CRACD: variants seen among roughly 807,000 people sequenced by gnomAD.
CRACD encodes the protein capping protein-inhibiting regulator of actin dynamics.
CRACD carries 56 observed loss-of-function variants against 106.8 expected under a neutral mutation model. The ratio of observed to expected loss-of-function variants is 0.52; its 90% CI spans 0.42 to 0.66. The LOEUF is 0.66. Ranked by LOEUF, CRACD falls within the 30% of genes least tolerant of loss-of-function variation. The pLI, the probability that CRACD is intolerant of heterozygous loss-of-function variation, is 0.00. For synonymous variants in CRACD, 754 were observed against 670.8 expected, an observed-to-expected ratio of 1.12 and a Z score of -1.92; for missense variants, 1,730 against 1,623.2, an observed-to-expected ratio of 1.07 and a Z score of -1.13.
At chr4:56,054,822 A>G (rs1731997609) in intron 1 of CRACD, among the ~76,000 whole-genome samples, 1 of 152,222 alleles carries the variant, frequency 6.6e-6, no homozygotes. Flanking sequence ...AAAAAGTGAT[A>G]CCATTTAAAA....
At chr4:56,167,919 A>G (rs145076509) in intron 1 of CRACD, among the ~76,000 whole-genome samples, 197 of 152,356 alleles carry the variant, frequency 1.3e-3, no homozygotes, top group African/African-American at 4.5e-3. Context: ...TTGACCTAGT[A>G]TCCTAAAACC....
At chr4:56,095,549 G>A (rs1733572806) in intron 1 of CRACD, among the ~76,000 whole-genome samples, 1 of 152,160 alleles carries the variant, frequency 6.6e-6, no homozygotes, top group South Asian at 2.1e-4. Context: ...GAACCAAGCT[G>A]AGGACACAGT....
intron 2 of CRACD, among the ~76,000 whole-genome samples, chr4:56,239,434 G>A (rs1740226862): frequency 6.6e-6 from 1 of 151,866 alleles, no homozygotes; most frequent in Non-Finnish European, 1.5e-5. Flanking sequence ...TTGTGAAGTG[G>A]GTGTCATCAT....
intron 6 of CRACD, 61 bp downstream of exon 6, chr4:56,310,795 C>CCA: frequency 6.2e-6 from 6 of 966,750 alleles, no homozygotes; most frequent in Middle Eastern, 2.2e-4. Context: ...ATCTTCCCCC[C>CCA]CCCTTTTTTT....
At chr4:56,185,811 G>T in intron 2 of CRACD, among the ~76,000 whole-genome samples, 1 of 152,190 alleles carries the variant, frequency 6.6e-6, no homozygotes, top group Non-Finnish European at 1.5e-5. Flanking sequence ...CTGAACTTCA[G>T]TTTATCCCAT....
At chr4:56,049,691 G>T (rs1416396458) in intron 1 of CRACD, among the ~76,000 whole-genome samples, 2 of 152,168 alleles carry the variant, frequency 1.3e-5, no homozygotes, top group Non-Finnish European at 2.9e-5. Context: ...CACCGTCCGG[G>T]ATCGCGGACG....
In CRACD at chr4:56,061,644, T is replaced by C. The variant is rs1732281800; in HGVS notation, c.-336+12345T>C. ...ACATTCTGGTGGGAGAGAGAGACAA[T>C]AAACAGTGGCAAATTGTGTATGTAT... On this transcript the variant is annotated intron_variant, in intron 1 of 10. Transcript: ENST00000682029. Among the ~76,000 whole-genome samples, 3 of 151,998 alleles carry C rather than the reference T, an allele frequency of 2.0e-5. No individual in the cohort carries two copies. In the South Asian group the frequency reaches 6.2e-4, roughly 32 times the overall value.
At chr4:56,227,521 G>A (rs1030076640) in intron 2 of CRACD, among the ~76,000 whole-genome samples, 18 of 151,976 alleles carry the variant, frequency 1.2e-4, no homozygotes, top group Non-Finnish European at 7.4e-5. Context: ...ATTACTTTAC[G>A]ATCCCCTTAT....
intron 1 of CRACD, among the ~76,000 whole-genome samples, chr4:56,140,536 A>T (rs974343525): frequency 1.3e-5 from 2 of 151,976 alleles, no homozygotes; most frequent in African/African-American, 2.4e-5. Context: ...TCCTTCTACT[A>T]TGAATTTTTA....
intron 1 of CRACD, among the ~76,000 whole-genome samples, chr4:56,097,693 G>A (rs944387463): frequency 3.0e-4 from 46 of 152,128 alleles, no homozygotes; most frequent in Admixed American, 2.9e-3. Flanking sequence ...GAAATTTGAG[G>A]ACAAGAAAAT....
At chr4:56,056,192 C>T (rs1409245545) in intron 1 of CRACD, among the ~76,000 whole-genome samples, 2 of 152,134 alleles carry the variant, frequency 1.3e-5, no homozygotes, top group African/African-American at 4.8e-5. Context: ...ATGCTAAAAG[C>T]AGTAGATCAA....
At chr4:56,326,709 G>T (rs1746470118) in intron 10 of CRACD, among the ~76,000 whole-genome samples, 1 of 151,652 alleles carries the variant, frequency 6.6e-6, no homozygotes, top group South Asian at 2.1e-4. Flanking sequence ...AGAGGTAGAG[G>T]CACCCAGTGG....
At chr4:56,277,804 C>A (rs1742765579) in intron 3 of CRACD, among the ~76,000 whole-genome samples, 1 of 152,070 alleles carries the variant, frequency 6.6e-6, no homozygotes, top group African/African-American at 2.4e-5. Context: ...CAAGATTGAG[C>A]AAAGTTATAG....
At chr4:56,061,470 G>A (rs541131490) in intron 1 of CRACD, among the ~76,000 whole-genome samples, 9 of 151,990 alleles carry the variant, frequency 5.9e-5, no homozygotes, top group African/African-American at 1.9e-4. Flanking sequence ...CACTATGCCT[G>A]GCCCAAATAT....
chr4:56,214,508 C>T (rs1395749629), intron 2 of CRACD, among the ~76,000 whole-genome samples: 6 of 151,612 alleles, frequency 4.0e-5, no homozygotes, highest in Non-Finnish European at 5.9e-5. Flanking sequence ...AGGAGAATCA[C>T]GTGAACCCGG....
At chr4:56,101,005 A>G (rs755542678) in intron 1 of CRACD, among the ~76,000 whole-genome samples, 4 of 152,180 alleles carry the variant, frequency 2.6e-5, no homozygotes, top group South Asian at 4.1e-4. Flanking sequence ...TAGTCCCTCT[A>G]TTGCCAGTGC....
chr4:56,265,516 T>C (rs1741965591), intron 2 of CRACD, among the ~76,000 whole-genome samples: 1 of 151,930 alleles, frequency 6.6e-6, no homozygotes, highest in South Asian at 2.1e-4. Flanking sequence ...CAAAGTGTGT[T>C]CACAGGAACC....
In CRACD at chr4:56,307,636, C is replaced by T; in HGVS notation, c.222C>T (p.Phe74=). The change falls in exon 5 of 11, where the codon TTC becomes TTT. Residue 74 remains phenylalanine, a synonymous_variant. Transcript: ENST00000682029. ...AGGCTAGCTTAGAAGAGGATCTGTT[C>T]CTGACCAGTCCCATGGAAATTGTGA... The part of the protein sequence containing the change: ...SGEASLEEDL[F]LTSPMEIVTQ... 6.2e-7 allele frequency: 1 copy of T among 1,614,184 alleles called. No individual in the cohort carries two copies. Among genetic ancestry groups the T allele is most frequent in the Non-Finnish European group, 8.5e-7 (1 of 1,180,048 alleles).
In CRACD at chr4:56,222,672, G is replaced by A. The variant is rs555422295; in HGVS notation, c.-189+43242G>A. Among the ~76,000 whole-genome samples the A allele has an allele frequency of 6.9e-4, 105 of 152,184 alleles. 1 individual carries two copies. Among genetic ancestry groups the A allele is most frequent in the South Asian group, 4.8e-3 (23 of 4,820 alleles). ...TAAAAATTAAATTAAAGGGCCAGGC[G>A]TGGTGAGTCATCCCTGTAATCCCAG... is the stretch of plus-strand genomic sequence containing the variant. On this transcript the variant is annotated intron_variant, in intron 2 of 10. Transcript: ENST00000682029.
Sources: gnomAD v4.1 joint callset for allele counts (sites outside exome capture counted in the v4.1 genomes callset) on GRCh38, gnomAD v4.1.1 for gene constraint, MANE v1.5 for transcripts, NCBI Gene and HGNC (gene_info 2026-07-23, HGNC 2026-07-21) for gene names.